PCNX1: variants seen among roughly 807,000 people sequenced by gnomAD.
PCNX1 encodes the protein pecanex 1.
PCNX1 carries 78 observed loss-of-function variants against 242.2 expected under a neutral mutation model. The ratio of observed to expected loss-of-function variants is 0.32; its 90% CI spans 0.27 to 0.39. PCNX1 has a LOEUF of 0.39. PCNX1 is among the 10% of genes least tolerant of loss of function. The probability of loss-of-function intolerance (pLI) is 1.00; values close to 1 mark genes in which losing one functional copy is unlikely to be tolerated. For synonymous variants in PCNX1, 1,024 were observed against 1,032.9 expected, an observed-to-expected ratio of 0.99 and a Z score of 0.17; for missense variants, 2,581 against 2,856.5, an observed-to-expected ratio of 0.90 and a Z score of 2.20.
intron 15 of PCNX1, 179 bp downstream of exon 15, chr14:71,027,061 C>G (rs1159805722): frequency 2.1e-6 from 1 of 468,290 alleles, no homozygotes; most frequent in Non-Finnish European, 3.8e-6. Context: ...AAAAAATAGT[C>G]AAGTCTGCTA....
chr14:71,088,818 G>T (rs1024985967), intron 29 of PCNX1, among the ~76,000 whole-genome samples: 1 of 152,116 alleles, frequency 6.6e-6, no homozygotes, highest in African/African-American at 2.4e-5. Flanking sequence ...TAGATTCGGG[G>T]ATTCTAAATC....
chr14:71,068,050 G>C (rs2061491563), intron 26 of PCNX1, among the ~76,000 whole-genome samples: 1 of 152,022 alleles, frequency 6.6e-6, no homozygotes, highest in South Asian at 2.1e-4. Context: ...AAGTGGGTTG[G>C]GCACAGTGGC....
intron 25 of PCNX1, among the ~76,000 whole-genome samples, chr14:71,056,378 C>A (rs1276562340): frequency 6.6e-6 from 1 of 152,206 alleles, no homozygotes; most frequent in Non-Finnish European, 1.5e-5. Context: ...CTAGATTTCT[C>A]ATGCTGATGA....
In PCNX1 at chr14:71,047,103, A is replaced by G. The variant is rs761368273; in HGVS notation, c.4158A>G (p.Thr1386=). The change falls in exon 21 of 36, where the codon ACA becomes ACG. Residue 1386 remains threonine (T), a splice_region_variant and synonymous_variant. Transcript: ENST00000304743. ...ETIASPKKLN[T]ELGALMITVA... is the part of the protein sequence containing the mutation. ...TTGCTAGTCCAAAGAAACTGAATAC[A>G]GAGTAAGTATAGTAGTCTTCTAATA... 56 of 1,594,348 alleles carry G rather than the reference A, an allele frequency of 3.5e-5. No individual in the cohort carries two copies. The highest frequency in any genetic ancestry group is 4.6e-5 in the Non-Finnish European group (54 of 1,165,182).
chr14:71,019,837 G>A (rs2060052150), intron 12 of PCNX1, among the ~76,000 whole-genome samples: 1 of 151,424 alleles, frequency 6.6e-6, no homozygotes, highest in Non-Finnish European at 1.5e-5. Context: ...GTATACACAT[G>A]CCATGGTGGC....
intron 4 of PCNX1, 78 bp downstream of exon 4, chr14:70,968,321 A>G: frequency 1.3e-6 from 1 of 763,038 alleles, no homozygotes; most frequent in Non-Finnish European, 2.1e-6. Flanking sequence ...AGTACTGTAC[A>G]TTCAAATGTA....
At chr14:71,095,243 A>G (rs1038725941) in intron 30 of PCNX1, among the ~76,000 whole-genome samples, 17 of 152,218 alleles carry the variant, frequency 1.1e-4, no homozygotes, top group African/African-American at 4.1e-4. Flanking sequence ...ATGAGTTTAC[A>G]TATGATATGT....
In PCNX1 at chr14:70,978,502, A is replaced by G. The variant is rs1437498246; in HGVS notation, c.2165A>G (p.Asp722Gly). Reference protein sequence around the residue: ...SIKPLTTSKSDLEAKEGEVLD... With the variant: ...SIKPLTTSKSGLEAKEGEVLD... ...AAGCCCTTAACCACTTCAAAATCAG[A>G]TCTTGAGGCCAAAGAGGGAGAGGTG... Residue 722 changes from aspartate to glycine, a missense_variant, in exon 6 of 36, where the codon GAT becomes GGT. This residue lies in a region of PCNX1 where 1,204 missense variants were observed against 1,216.7 expected (regional missense o/e 0.99). Coordinates refer to ENST00000304743, the MANE Select transcript of PCNX1 (RefSeq NM_014982.3). 2 of 1,614,128 alleles carry G rather than the reference A, an allele frequency of 1.2e-6. No individual in the cohort carries two copies. Among genetic ancestry groups the G allele is most frequent in the Non-Finnish European group, 1.7e-6 (2 of 1,180,010 alleles).
chr14:71,001,317 A>C (rs1362897570), intron 8 of PCNX1, among the ~76,000 whole-genome samples: 1 of 152,148 alleles, frequency 6.6e-6, no homozygotes, highest in Admixed American at 6.6e-5. Context: ...AGGGGAATAT[A>C]CATTTTTGGG....
intron 1 of PCNX1, among the ~76,000 whole-genome samples, chr14:70,923,761 ATTAT>A (rs1227357611): frequency 3.3e-5 from 5 of 152,096 alleles, no homozygotes; most frequent in South Asian, 4.1e-4. Context: ...GCCTGGATGT[ATTAT>A]TTAACCTGTT....
At chr14:70,923,650 A>G (rs562383573) in intron 1 of PCNX1, among the ~76,000 whole-genome samples, 14 of 152,322 alleles carry the variant, frequency 9.2e-5, no homozygotes, top group African/African-American at 3.4e-4. Context: ...ATACTAGTGT[A>G]TATACTGGCT....
Position 71,110,254 on chromosome 14 carries a change from C to T in PCNX1, c.*319C>T, listed in dbSNP as rs2062730313. ...ATTGCCTATGCTTTAAATCAACAAA[C>T]TCTTCATTTCTAAACTATGATCTCA... On this transcript the variant is annotated 3_prime_UTR_variant, in exon 36 of 36. Transcript: ENST00000304743. The T allele has an allele frequency of 1.2e-5, 4 of 347,528 alleles. No homozygotes were observed. Among genetic ancestry groups the T allele is most frequent in the South Asian group, 7.7e-5 (3 of 38,762 alleles). 21.5% of individuals were successfully genotyped at this position (347,528 alleles called of 1,614,324 possible).
In PCNX1 at chr14:70,977,467, G is replaced by A. The variant is rs759133289; in HGVS notation, c.1130G>A (p.Arg377Gln). 6.2e-6 allele frequency: 10 copies of A among 1,613,974 alleles called. No homozygotes were observed. The highest frequency in any genetic ancestry group is 1.3e-5 in the African/African-American group (1 of 74,904). ...GACAGCTTGAGGAGCCTGAGCACAC[G>A]GAGTAGTGGGTCAACAGAAAGCTAC... ...SMDSLRSLST[R>Q]SSGSTESYCS... is the part of the protein sequence containing the mutation. Residue 377 changes from arginine (R) to glutamine (Q), a missense_variant, in exon 6 of 36, where the codon CGG becomes CAG. Around this residue, in one of 9 missense-constraint regions of PCNX1, gnomAD observed 1,204 missense variants for 1,216.7 expected, o/e 0.99. Coordinates refer to ENST00000304743, the MANE Select transcript of PCNX1 (RefSeq NM_014982.3).
rs144988847 is a variant in PCNX1 at position 71,036,072 on chromosome 14, G to A, written c.3782G>A (p.Arg1261Gln). 2.6e-4 allele frequency: 409 copies of A among 1,589,740 alleles called. 1 individual carries two copies. Among genetic ancestry groups the A allele is most frequent in the Non-Finnish European group, 3.4e-4 (391 of 1,159,120 alleles). Residue 1261 changes from arginine to glutamine, a missense_variant, in exon 19 of 36, where the codon CGA becomes CAA. Coordinates refer to ENST00000304743, the MANE Select transcript of PCNX1 (RefSeq NM_014982.3). ...TCTTTTTTTTCCCCACAGAGTGAGC[G>A]ATTACAGTCTGACCTGGTAGTATGC... ...PEKLRNSVSE[R>Q]LQSDLVVCIV...
intron 12 of PCNX1, 43 bp from the exon 13 acceptor site, chr14:71,023,157 C>T (rs1363853311): frequency 6.6e-7 from 1 of 1,518,236 alleles, no homozygotes; most frequent in South Asian, 1.1e-5. Context: ...GTAAAATTAG[C>T]AAGACTTCAG....
intron 6 of PCNX1, among the ~76,000 whole-genome samples, chr14:70,986,425 ATATAAATGGTG>A (rs1445864753): frequency 6.6e-6 from 1 of 152,234 alleles, no homozygotes; most frequent in Non-Finnish European, 1.5e-5. Flanking sequence ...AGATAACAAA[ATATAAATGGTG>A]TATTACTAGC....
intron 2 of PCNX1, among the ~76,000 whole-genome samples, chr14:70,949,072 G>T (rs866849925): frequency 1.5e-4 from 22 of 144,212 alleles, no homozygotes; most frequent in Middle Eastern, 4.5e-3. Context: ...ATGTATAGAC[G>T]TGTATATATA....
chr14:71,038,817 CA>C (rs1314115642), intron 19 of PCNX1, among the ~76,000 whole-genome samples: 1 of 151,604 alleles, frequency 6.6e-6, no homozygotes, highest in Non-Finnish European at 1.5e-5. Flanking sequence ...GACTTGGAAC[CA>C]ACCCAAATGT....
chr14:71,087,334 A>C (rs966183859), intron 28 of PCNX1, among the ~76,000 whole-genome samples: 3 of 152,244 alleles, frequency 2.0e-5, no homozygotes, highest in African/African-American at 7.2e-5. Flanking sequence ...CAACTAGGAT[A>C]TCTCTAACAC....
Sources: allele counts gnomAD v4.1 joint callset (sites outside exome capture counted in the v4.1 genomes callset), GRCh38; gene constraint gnomAD v4.1.1; regional missense constraint gnomAD v4.1.1; transcripts MANE v1.5; gene names NCBI Gene and HGNC (gene_info 2026-07-23, HGNC 2026-07-21).